KCNQ5: variants seen among roughly 807,000 people sequenced by gnomAD.
The protein encoded by KCNQ5 is potassium voltage-gated channel subfamily Q member 5, also known as potassium voltage-gated channel subfamily KQT member 5.
In KCNQ5, 30 loss-of-function variants were observed where a neutral mutation model predicts 98.2. The observed-to-expected ratio is 0.31, with a 90% CI of 0.23 to 0.41. KCNQ5 has a LOEUF of 0.41. Among genes scored for constraint, KCNQ5 ranks in the 10% least tolerant of loss-of-function variants. KCNQ5 has a pLI of 1.00. For synonymous variants in KCNQ5, 458 were observed against 449.4 expected (o/e 1.02, Z -0.24); for missense variants, 835 against 1,182.5 (o/e 0.71, Z 4.31).
chr6:73,006,315 G>GA (rs979992465), intron 2 of KCNQ5, among the ~76,000 whole-genome samples: 1 of 146,288 alleles, frequency 6.8e-6, no homozygotes, highest in African/African-American at 2.8e-5. Flanking sequence ...TCCAAAGGAA[G>GA]AAGAAGGATT....
intron 1 of KCNQ5, among the ~76,000 whole-genome samples, chr6:72,995,222 G>T (rs1000337812): frequency 6.6e-6 from 1 of 152,034 alleles, no homozygotes; most frequent in Non-Finnish European, 1.5e-5. Context: ...TGCAAAATTA[G>T]CCAGGCATGG....
At chr6:72,842,952 T>C (rs564674751) in intron 1 of KCNQ5, among the ~76,000 whole-genome samples, 5 of 152,350 alleles carry the variant, frequency 3.3e-5, no homozygotes, top group African/African-American at 1.2e-4. Context: ...TTTGCTCTGA[T>C]GATAGTTTCT....
chr6:72,761,269 A>G (rs1274255283), intron 1 of KCNQ5, among the ~76,000 whole-genome samples: 1 of 152,156 alleles, frequency 6.6e-6, no homozygotes, highest in African/African-American at 2.4e-5. Flanking sequence ...GCTGTTTATC[A>G]GTTTACAAAT....
chr6:72,953,735 G>T (rs1228152459), intron 1 of KCNQ5, among the ~76,000 whole-genome samples: 1 of 152,200 alleles, frequency 6.6e-6, no homozygotes, highest in South Asian at 2.1e-4. Flanking sequence ...AGGATAGACA[G>T]AGTCAGGAGT....
chr6:72,909,735 A>G (rs1371525446), intron 1 of KCNQ5, among the ~76,000 whole-genome samples: 1 of 152,216 alleles, frequency 6.6e-6, no homozygotes, highest in African/African-American at 2.4e-5. Context: ...CTAATATAGA[A>G]GACAGAATTC....
chr6:72,963,365 T>C (rs1329946049), intron 1 of KCNQ5, among the ~76,000 whole-genome samples: 2 of 152,206 alleles, frequency 1.3e-5, no homozygotes, highest in Non-Finnish European at 2.9e-5. Context: ...CAAAATATGA[T>C]TTGGCTAATA....
intron 1 of KCNQ5, among the ~76,000 whole-genome samples, chr6:72,833,982 G>A (rs1776398254): frequency 6.6e-6 from 1 of 152,036 alleles, no homozygotes; most frequent in South Asian, 2.1e-4. Context: ...TTTAGTAAGA[G>A]ACATTATGCA....
chr6:73,115,485 C>T, intron 7 of KCNQ5, among the ~76,000 whole-genome samples: 1 of 152,122 alleles, frequency 6.6e-6, no homozygotes. Context: ...CCAAGATTAT[C>T]ACAGTAAAAT....
At position 72,867,177 on chromosome 6, in the gene KCNQ5, T is replaced by C. The variant is rs115103197; in HGVS notation, c.399-136731T>C. On this transcript the variant is annotated intron_variant, in intron 1 of 13. Transcript: ENST00000370398. ...AAGGAAATAAGTTACTGAATTGTAA[T>C]CTAACTAAATATATCACAAAAAATT... Among the ~76,000 whole-genome samples the C allele has an allele frequency of 5.3e-3, 806 of 152,364 alleles. 9 individuals carry two copies. The highest frequency in any genetic ancestry group is 0.019 in the African/African-American group (773 of 41,588).
At chr6:73,119,066 T>G (rs548860113) in intron 7 of KCNQ5, among the ~76,000 whole-genome samples, 1 of 152,232 alleles carries the variant, frequency 6.6e-6, no homozygotes, top group South Asian at 2.1e-4. Flanking sequence ...TAAAATAAAA[T>G]GTTTTGATTA....
chr6:72,856,363 G>A (rs889825085), intron 1 of KCNQ5, among the ~76,000 whole-genome samples: 2 of 151,460 alleles, frequency 1.3e-5, no homozygotes, highest in Non-Finnish European at 2.9e-5. Context: ...ATTGGAAAAT[G>A]TATAATTTGA....
intron 1 of KCNQ5, among the ~76,000 whole-genome samples, chr6:72,848,193 T>C (rs1777096704): frequency 6.7e-6 from 1 of 149,072 alleles, no homozygotes; most frequent in African/African-American, 2.5e-5. Context: ...GGACAGCCAT[T>C]TTTTTTTTTC....
chr6:72,876,755 T>C (rs1472533260), intron 1 of KCNQ5, among the ~76,000 whole-genome samples: 1 of 152,198 alleles, frequency 6.6e-6, no homozygotes, highest in Non-Finnish European at 1.5e-5. Context: ...GAGTTAAAAT[T>C]GTTTATCACA....
intron 2 of KCNQ5, among the ~76,000 whole-genome samples, chr6:73,017,388 T>C (rs763347122): frequency 9.9e-5 from 15 of 152,092 alleles, no homozygotes; most frequent in Non-Finnish European, 2.2e-4. Context: ...AATGAGATGA[T>C]CAAAAACTAT....
intron 1 of KCNQ5, among the ~76,000 whole-genome samples, chr6:72,721,272 C>G (rs1345375241): frequency 6.6e-6 from 1 of 152,130 alleles, no homozygotes; most frequent in Non-Finnish European, 1.5e-5. Flanking sequence ...TCCCCTTTAT[C>G]TGAAACAGGT....
At chr6:72,708,824 CT>C (rs113215587) in intron 1 of KCNQ5, among the ~76,000 whole-genome samples, 19,361 of 150,364 alleles carry the variant, frequency 0.13, 2,106 homozygotes, top group African/African-American at 0.3. Context: ...CCCACAAATA[CT>C]TTTTTTTTTC....
intron 1 of KCNQ5, among the ~76,000 whole-genome samples, chr6:72,952,233 G>T (rs952891919): frequency 1.3e-5 from 2 of 152,180 alleles, no homozygotes; most frequent in Non-Finnish European, 2.9e-5. Flanking sequence ...ACACACTTGT[G>T]CATGTACACA....
chr6:73,052,565 A>G (rs1198738707), intron 3 of KCNQ5, among the ~76,000 whole-genome samples: 1 of 152,230 alleles, frequency 6.6e-6, no homozygotes. Context: ...ATAAGCCAGC[A>G]GAGATTGAGG....
chr6:73,177,107 C>T (rs944075295), intron 11 of KCNQ5, among the ~76,000 whole-genome samples: 3 of 152,112 alleles, frequency 2.0e-5, no homozygotes, highest in Non-Finnish European at 2.9e-5. Context: ...CAGATGTCAA[C>T]GCTGTTAAAT....
Sources: allele counts gnomAD v4.1 joint callset (sites outside exome capture counted in the v4.1 genomes callset), GRCh38; gene constraint gnomAD v4.1.1; transcripts MANE v1.5; gene names NCBI Gene and HGNC (gene_info 2026-07-23, HGNC 2026-07-21).